The following DCAF5 variants were observed in gnomAD, a reference collection of about 807,000 sequenced individuals.
DCAF5 encodes DDB1 and CUL4 associated factor 5.
A neutral mutation model predicts 80.7 loss-of-function variants in DCAF5; 9 were observed. The ratio of observed to expected loss-of-function variants is 0.11; its 90% CI spans 0.07 to 0.19. The LOEUF is 0.19. Ranked by LOEUF, DCAF5 falls within the 10% of genes least tolerant of loss-of-function variation. The pLI is 1.00. For synonymous variants in DCAF5, 433 were observed against 461.9 expected (o/e 0.94, Z 0.80); for missense variants, 842 against 1,205.7 (o/e 0.70, Z 4.47).
Position 69,054,267 on chromosome 14 carries a change from T to G in DCAF5, c.2419A>C (p.Ser807Arg), listed in dbSNP as rs757382791. 2 of 1,614,236 alleles carry G rather than the reference T, an allele frequency of 1.2e-6. No individual in the cohort carries two copies. Among genetic ancestry groups the G allele is most frequent in the Non-Finnish European group, 1.7e-6 (2 of 1,180,032 alleles). Reference protein sequence around the residue: ...VPKASGSTLNSGSGNCPRTQS... With the variant: ...VPKASGSTLNRGSGNCPRTQS... ...GTCCTGGGACAGTTGCCAGACCCGC[T>G]GTTGAGAGTGGAGCCAGATGCCTTG... The change falls in exon 9 of 9, where the codon AGC (serine) becomes CGC (arginine). Residue 807 changes from serine to arginine, a missense_variant. Coordinates refer to ENST00000341516, the MANE Select transcript of DCAF5 (RefSeq NM_003861.3).
intron 6 of DCAF5, among the ~76,000 whole-genome samples, chr14:69,078,208 G>C (rs570220412): frequency 4.6e-5 from 7 of 152,170 alleles, no homozygotes; most frequent in African/African-American, 1.7e-4. Context: ...TTTAAAAATG[G>C]GCCAAGGACT....
intron 5 of DCAF5, among the ~76,000 whole-genome samples, chr14:69,107,482 T>A (rs1381142741): frequency 6.6e-6 from 1 of 152,186 alleles, no homozygotes. Context: ...GAAGGAGTGC[T>A]TCGACAAGCT....
Position 69,118,338 on chromosome 14 carries a change from C to T in DCAF5, c.396-60G>A. ...ATACACACAAGCATAGTGCAGAGTC[C>T]CAGCACTTTGGTACCGAGGGTGCCA... On this transcript the variant is annotated intron_variant, in intron 3 of 8. Coordinates refer to ENST00000341516, the MANE Select transcript of DCAF5 (RefSeq NM_003861.3). This position sits in a 1 kb window ranked among gnomAD's most constrained non-coding sequence, Gnocchi z 4.0. 6.6e-7 allele frequency: 1 copy of T among 1,518,478 alleles called. No homozygotes were observed. Among genetic ancestry groups the T allele is most frequent in the Non-Finnish European group, 8.9e-7 (1 of 1,119,368 alleles). 94.1% of individuals were successfully genotyped at this position (1,518,478 alleles called of 1,614,324 possible).
chr14:69,146,912 T>C (rs998124846), intron 1 of DCAF5, among the ~76,000 whole-genome samples: 3 of 152,230 alleles, frequency 2.0e-5, no homozygotes, highest in African/African-American at 7.2e-5. Flanking sequence ...AAACCTGCTC[T>C]ACCACTGGCC....
In DCAF5 at chr14:69,087,086, G is replaced by A. The variant is rs150105123; in HGVS notation, c.879+4588C>T. Among the ~76,000 whole-genome samples, 688 of 152,288 alleles carry A rather than the reference G, an allele frequency of 4.5e-3. 10 individuals carry two copies. Among genetic ancestry groups the A allele is most frequent in the African/African-American group, 0.016 (646 of 41,566 alleles). The stretch of plus-strand genomic sequence containing the variant: ...TCGAGGCAAACATGCTTGCTAGACT[G>A]AAAGACTTGCTTACCAGAAGCCTGA... On this transcript the variant is annotated intron_variant, in intron 6 of 8. Transcript: ENST00000341516.
Position 69,152,638 on chromosome 14 carries a change from C to G in DCAF5, c.214+127G>C. The G allele has an allele frequency of 1.5e-6, 1 of 686,106 alleles. No homozygotes were observed. 42.5% of individuals were successfully genotyped at this position (686,106 alleles called of 1,614,324 possible). A position where few individuals can be genotyped will look rare whatever the true frequency, so the allele number is the denominator to read the frequency against. ...TTTAATTTGACACCAAACCTTCCCA[C>G]CGCAGAAGGGGGTAGAGAAAGGGAG... On this transcript the variant is annotated intron_variant, in intron 1 of 8. Coordinates refer to ENST00000341516, the MANE Select transcript of DCAF5 (RefSeq NM_003861.3). The surrounding 1 kb of genome is among the most constrained non-coding windows in gnomAD (Gnocchi z 4.1).
rs143061112 is a variant in DCAF5 at position 69,141,236 on chromosome 14, T to C, written c.214+11529A>G. Among the ~76,000 whole-genome samples, 268 of 147,260 alleles carry C rather than the reference T, an allele frequency of 1.8e-3. 1 individual carries two copies. Among genetic ancestry groups the C allele is most frequent in the Middle Eastern group, 0.011 (3 of 266 alleles). ...AGGCTTTTCTACTAGAGGCATCCCA[T>C]AGTGAATGTGAGGAGCTAAGAGACT... On this transcript the variant is annotated intron_variant, in intron 1 of 8. Transcript: ENST00000341516.
At chr14:69,100,658 A>C (rs1481824268) in intron 5 of DCAF5, among the ~76,000 whole-genome samples, 1 of 152,226 alleles carries the variant, frequency 6.6e-6, no homozygotes, top group East Asian at 1.9e-4. Context: ...CCACTTCCAA[A>C]GTATCCATAA....
rs2037785759 is a variant in DCAF5, at chr14:69,052,262, A to T, written c.*1595T>A. 6.6e-6 allele frequency: 1 copy of T among 152,346 alleles called. No homozygotes were observed. Among genetic ancestry groups the T allele is most frequent in the South Asian group, 2.1e-4 (1 of 4,808 alleles). The allele number at this position is 152,346 out of a possible 1,614,324, so 9.4% of individuals were successfully genotyped here. ...ACCCCCAGTGCCTGAATTCATCCAC[A>T]TCTTCTGCCTTCATAGGCAGCCTCC... On this transcript the variant is annotated 3_prime_UTR_variant, in exon 9 of 9. Transcript: ENST00000341516.
At chr14:69,142,042 C>T (rs935728442) in intron 1 of DCAF5, among the ~76,000 whole-genome samples, 7 of 152,136 alleles carry the variant, frequency 4.6e-5, no homozygotes, top group Admixed American at 4.6e-4. Context: ...CATCTGTAAT[C>T]CCAGCACCTT....
intron 1 of DCAF5, among the ~76,000 whole-genome samples, chr14:69,139,388 T>C (rs1303337534): frequency 1.3e-5 from 2 of 152,016 alleles, no homozygotes; most frequent in South Asian, 2.1e-4. Context: ...GTGTCCTAGC[T>C]ACTTGGGAGG....
At chr14:69,066,451 T>A (rs1174052481) in intron 7 of DCAF5, among the ~76,000 whole-genome samples, 1 of 152,112 alleles carries the variant, frequency 6.6e-6, no homozygotes, top group East Asian at 1.9e-4. Context: ...CACTCCTTTT[T>A]AAGTTTAGTT....
intron 1 of DCAF5, among the ~76,000 whole-genome samples, chr14:69,135,432 C>T (rs1180525190): frequency 6.6e-6 from 1 of 152,108 alleles, no homozygotes; most frequent in African/African-American, 2.4e-5. Flanking sequence ...ATAGAAAGTA[C>T]ACATAAAACA....
chr14:69,139,553 T>A (rs562891302), intron 1 of DCAF5, among the ~76,000 whole-genome samples: 5 of 150,114 alleles, frequency 3.3e-5, no homozygotes, highest in Admixed American at 6.6e-5. Flanking sequence ...GTGCCTCATA[T>A]CTGTAATCCC....
At chr14:69,134,346 A>G (rs1283393332) in intron 1 of DCAF5, among the ~76,000 whole-genome samples, 1 of 152,246 alleles carries the variant, frequency 6.6e-6, no homozygotes, top group East Asian at 1.9e-4. Flanking sequence ...TAGACTTTAT[A>G]GTAATGTCAA....
chr14:69,132,271 A>G (rs2041065641), intron 1 of DCAF5, among the ~76,000 whole-genome samples: 2 of 152,146 alleles, frequency 1.3e-5, no homozygotes, highest in African/African-American at 4.8e-5. Context: ...AACGTACAAG[A>G]GTTCCAATTT....
At chr14:69,103,713 C>T (rs1033268093) in intron 5 of DCAF5, among the ~76,000 whole-genome samples, 1 of 152,216 alleles carries the variant, frequency 6.6e-6, no homozygotes, top group Non-Finnish European at 1.5e-5. Flanking sequence ...ATGTAACAAT[C>T]ACTGCAATTA....
chr14:69,125,932 T>C (rs1462002107), intron 1 of DCAF5, among the ~76,000 whole-genome samples: 2 of 152,088 alleles, frequency 1.3e-5, no homozygotes, highest in African/African-American at 4.8e-5. Flanking sequence ...GTATCTGTAG[T>C]GTTTCTTTAA....
chr14:69,119,827 AC>A (rs2040659354), intron 2 of DCAF5, among the ~76,000 whole-genome samples: 1 of 152,150 alleles, frequency 6.6e-6, no homozygotes, highest in East Asian at 1.9e-4. Context: ...TCAGCAGAAC[AC>A]TCACTAATCA....
Sources: gnomAD v4.1 joint callset for allele counts (sites outside exome capture counted in the v4.1 genomes callset) on GRCh38, gnomAD v4.1.1 for gene constraint, Gnocchi (gnomAD v3.1) non-coding constraint, MANE v1.5 for transcripts, NCBI Gene and HGNC (gene_info 2026-07-23, HGNC 2026-07-21) for gene names.